Variants in ARMH4 observed in about 807,000 individuals in gnomAD.
The protein encoded by ARMH4 is armadillo-like helical domain-containing protein 4.
ARMH4 carries 49 observed loss-of-function variants against 61.9 expected under a neutral mutation model. The observed-to-expected ratio is 0.79, with a 90% confidence interval of 0.63 to 1.00. The LOEUF is 1.00. ARMH4 is among the 50% of genes least tolerant of loss of function. The pLI is 0.00. For missense variants in ARMH4, 934 were observed against 930.0 expected (o/e 1.00, Z -0.06); for synonymous variants, 368 against 341.5 (o/e 1.08, Z -0.85).
At chr14:58,112,237 ATTTGTGT>A (rs1459002848) in intron 4 of ARMH4, among the ~76,000 whole-genome samples, 3 of 146,366 alleles carry the variant, frequency 2.0e-5, no homozygotes, top group Non-Finnish European at 4.5e-5. Flanking sequence ...TTATTGATAT[ATTTGTGT>A]TTGTTACTTT....
At chr14:58,075,153 C>T (rs928036237) in intron 5 of ARMH4, among the ~76,000 whole-genome samples, 3 of 152,082 alleles carry the variant, frequency 2.0e-5, no homozygotes, top group African/African-American at 7.2e-5. Context: ...TTACACTGTT[C>T]GTGGGAGTGT....
intron 4 of ARMH4, among the ~76,000 whole-genome samples, chr14:58,123,247 G>A (rs1234870718): frequency 1.3e-5 from 2 of 152,152 alleles, no homozygotes; most frequent in African/African-American, 2.4e-5. Flanking sequence ...ACACCCATTT[G>A]TTATCCCCTG....
intron 5 of ARMH4, among the ~76,000 whole-genome samples, chr14:58,027,497 T>C (rs17094248): frequency 0.54 from 82,457 of 151,950 alleles, 22,537 homozygotes; most frequent in East Asian, 0.67. Flanking sequence ...TGTGACTCTT[T>C]GTGATGTCTT....
chr14:58,091,117 C>T (rs1316099603), intron 5 of ARMH4, among the ~76,000 whole-genome samples: 4 of 151,666 alleles, frequency 2.6e-5, no homozygotes, highest in African/African-American at 4.8e-5. Context: ...GAGGCTGAGG[C>T]GGGAGAATCA....
At chr14:58,011,967 C>G in intron 6 of ARMH4, 152 bp downstream of exon 6, 1 of 589,180 alleles carries the variant, frequency 1.7e-6, no homozygotes, top group Non-Finnish European at 3.0e-6. Flanking sequence ...GGAAGGGCTT[C>G]TTTTTTGCAG....
At chr14:58,101,147 T>G (rs1885959933) in intron 4 of ARMH4, 1 of 152,762 alleles carries the variant, frequency 6.5e-6, no homozygotes, top group Non-Finnish European at 1.5e-5. Context: ...CTGCCCTGCA[T>G]GTAGGACTGT....
At chr14:58,030,168 G>A (rs1228509401) in intron 5 of ARMH4, among the ~76,000 whole-genome samples, 1 of 152,188 alleles carries the variant, frequency 6.6e-6, no homozygotes, top group African/African-American at 2.4e-5. Context: ...TAGAAGCTGG[G>A]TGGGTGCCAT....
intron 4 of ARMH4, among the ~76,000 whole-genome samples, chr14:58,101,839 G>GTTTTAAAA (rs1885991395): frequency 6.6e-6 from 1 of 152,080 alleles, no homozygotes; most frequent in Non-Finnish European, 1.5e-5. Context: ...TGATGAAACT[G>GTTTTAAAA]TTTTAAAATA....
intron 6 of ARMH4, among the ~76,000 whole-genome samples, chr14:58,011,598 C>A (rs1208640592): frequency 3.3e-5 from 5 of 151,930 alleles, no homozygotes; most frequent in African/African-American, 1.2e-4. Flanking sequence ...AGAAAATGAA[C>A]AATATCAACC....
At chr14:58,007,886 T>C (rs1221855359) in intron 6 of ARMH4, among the ~76,000 whole-genome samples, 2 of 152,196 alleles carry the variant, frequency 1.3e-5, no homozygotes, top group Non-Finnish European at 2.9e-5. Flanking sequence ...TAAAGTATAT[T>C]CTGTTTTTTA....
intron 5 of ARMH4, among the ~76,000 whole-genome samples, chr14:58,060,201 T>C (rs1437134547): frequency 6.6e-6 from 1 of 152,234 alleles, no homozygotes; most frequent in Admixed American, 6.5e-5. Context: ...CTTTCATTTG[T>C]CTACCTACAC....
intron 4 of ARMH4, among the ~76,000 whole-genome samples, chr14:58,098,255 ATCTTTTTT>A (rs1033427772): frequency 4.0e-5 from 6 of 149,822 alleles, no homozygotes; most frequent in Non-Finnish European, 9.0e-5. Flanking sequence ...ATCACCTTTA[ATCTTTTTT>A]TATTCTTATA....
At chr14:58,102,627 A>C (rs973783563) in intron 4 of ARMH4, among the ~76,000 whole-genome samples, 4 of 146,612 alleles carry the variant, frequency 2.7e-5, no homozygotes, top group East Asian at 2.1e-4. Context: ...CTGGCTAACA[A>C]GGTGAAACCC....
chr14:58,043,788 A>G (rs1232078380), intron 5 of ARMH4, among the ~76,000 whole-genome samples: 5 of 152,238 alleles, frequency 3.3e-5, no homozygotes, highest in Admixed American at 2.0e-4. Context: ...TGCAAAAATC[A>G]CAAGCATTCT....
intron 5 of ARMH4, among the ~76,000 whole-genome samples, chr14:58,030,810 T>C (rs886377626): frequency 2.0e-5 from 3 of 152,224 alleles, no homozygotes; most frequent in Admixed American, 6.5e-5. Context: ...TAAGCATATG[T>C]CAGAATTTCC....
intron 4 of ARMH4, among the ~76,000 whole-genome samples, chr14:58,125,703 C>T (rs1035048487): frequency 6.6e-6 from 1 of 152,136 alleles, no homozygotes; most frequent in East Asian, 1.9e-4. Flanking sequence ...GCACTCCTCC[C>T]GAGGAAATCT....
intron 4 of ARMH4, among the ~76,000 whole-genome samples, chr14:58,120,779 G>A (rs376789678): frequency 6.6e-6 from 1 of 152,148 alleles, no homozygotes. Context: ...TTTAGGATTG[G>A]GAGGGTCAGG....
chr14:58,120,822 C>A (rs1886699899), intron 4 of ARMH4, among the ~76,000 whole-genome samples: 1 of 152,140 alleles, frequency 6.6e-6, no homozygotes, highest in Non-Finnish European at 1.5e-5. Context: ...AATGGAGATT[C>A]TTTACAGAAG....
At chr14:58,120,242 A>T (rs182967171) in intron 4 of ARMH4, among the ~76,000 whole-genome samples, 36 of 152,228 alleles carry the variant, frequency 2.4e-4, no homozygotes, top group African/African-American at 8.7e-4. Flanking sequence ...ACAATATTAT[A>T]ATCATATGGG....
Sources: allele counts gnomAD v4.1 joint callset (sites outside exome capture counted in the v4.1 genomes callset), GRCh38; gene constraint gnomAD v4.1.1; transcripts MANE v1.5; gene names NCBI Gene and HGNC (gene_info 2026-07-23, HGNC 2026-07-21).